Variants in TNS2 observed in about 807,000 individuals in gnomAD.
The protein encoded by TNS2 is tensin-2.
Under a neutral mutation model 155.7 loss-of-function variants are expected in TNS2, and 77 were observed. That is an observed-to-expected ratio of 0.49 (90% CI 0.41 to 0.60). The LOEUF (loss-of-function observed/expected upper bound fraction) is 0.60. TNS2 is among the 20% of genes least tolerant of loss of function. The pLI, the probability that TNS2 is intolerant of heterozygous loss-of-function variation, is 0.00. For missense variants in TNS2, 1,703 were observed against 1,868.8 expected (o/e 0.91, Z 1.64); for synonymous variants, 726 against 763.9 (o/e 0.95, Z 0.82).
upstream of TNS2, among the ~76,000 whole-genome samples, chr12:53,047,964 G>A (rs116884371): frequency 1.1e-3 from 166 of 152,330 alleles, 3 homozygotes; most frequent in East Asian, 0.029. Flanking sequence ...TTCCAGAAAG[G>A]GGGGTGTGGG....
At position 53,060,842 on chromosome 12, in the gene TNS2, C is replaced by T. The variant is rs749516232; in HGVS notation, c.2936C>T (p.Pro979Leu). Residue 979 changes from proline to leucine, a missense_variant, in exon 20 of 29, where the codon CCT (proline) becomes CTT (leucine). Coordinates refer to ENST00000314250, the MANE Select transcript of TNS2 (RefSeq NM_170754.4). The surrounding 1 kb of genome is among the most constrained non-coding windows in gnomAD (Gnocchi z 6.1). ...LAPSPVSPTF[P>L]PSSPSDWPQE... is the part of the protein sequence containing the mutation. Reference sequence around the variant, plus strand: ...CCTAGCCCAGTCTCTCCGACCTTCCCTCCCAGCTCGCCCAGTGACTGGCCT... The same window carrying T: ...CCTAGCCCAGTCTCTCCGACCTTCCTTCCCAGCTCGCCCAGTGACTGGCCT... 6.2e-7 allele frequency: 1 copy of T among 1,601,276 alleles called. No homozygotes were observed. The highest frequency in any genetic ancestry group is 2.2e-5 in the East Asian group (1 of 44,540).
chr12:53,061,658 C>T, intron 21 of TNS2, 157 bp from the exon 22 acceptor site: 3 of 1,400,220 alleles, frequency 2.1e-6, no homozygotes, highest in Non-Finnish European at 2.9e-6. Context: ...GGTCAAAACC[C>T]CTGTGAACTC....
rs144070126 is a variant in TNS2 at position 53,053,668 on chromosome 12, C to A, written c.262-106C>A. 3.8e-4 allele frequency: 583 copies of A among 1,526,038 alleles called. 3 individuals carry two copies. The East Asian group carries it at 0.013, about 33-fold the overall frequency. The allele number at this position is 1,526,038 out of a possible 1,614,324, so 94.5% of individuals were successfully genotyped here. A position where few individuals can be genotyped will look rare whatever the true frequency, so the allele number is the denominator to read the frequency against. On this transcript the variant is annotated intron_variant, in intron 4 of 28. Transcript: ENST00000314250. ...ACTCCTCTCCCCTTATCCAGTACAG[C>A]CTTCAAAAGGACACTGACATTCCCT...
chr12:53,062,989 T>G, intron 25 of TNS2, 100 bp from the exon 26 acceptor site: 1 of 1,425,898 alleles, frequency 7.0e-7, no homozygotes, highest in Non-Finnish European at 9.4e-7. Flanking sequence ...CCTATGTGAT[T>G]GTAAAGCATG....
intron 7 of TNS2, among the ~76,000 whole-genome samples, 155 bp downstream of exon 7, chr12:53,054,596 G>T (rs530621851): frequency 6.6e-6 from 1 of 152,226 alleles, no homozygotes; most frequent in African/African-American, 2.4e-5. Flanking sequence ...GGCCTGGAGC[G>T]GAGCGGAGAA....
chr12:53,058,467 T>A, intron 15 of TNS2, 22 bp downstream of exon 15: 1 of 1,613,938 alleles, frequency 6.2e-7, no homozygotes, highest in Non-Finnish European at 8.5e-7. Flanking sequence ...ACAAGTGGCC[T>A]GGGGCTGGAG....
Position 53,062,453 on chromosome 12 carries a change from G to T in TNS2, c.3745G>T (p.Asp1249Tyr). The change falls in exon 24 of 29, where the codon GAT becomes TAT. Residue 1249 changes from aspartate (D) to tyrosine (Y), a missense_variant and splice_region_variant. Transcript: ENST00000314250. ...LPCCLRIPSKDPLEETPEAPV... is the reference protein window; with the variant it reads ...LPCCLRIPSKYPLEETPEAPV... The stretch of plus-strand genomic sequence containing the variant: ...CTGCTGCCTGCGCATTCCCAGCAAA[G>T]GTGAGTGTCTGGTCATCTGTCCTCC... The T allele has an allele frequency of 6.2e-7, 1 of 1,613,740 alleles. No individual in the cohort carries two copies. Among genetic ancestry groups the T allele is most frequent in the African/African-American group, 1.3e-5 (1 of 75,006 alleles).
At position 53,060,546 on chromosome 12, in the gene TNS2, G is replaced by A. The variant is rs1171934850; in HGVS notation, c.2759G>A (p.Gly920Asp). ...CTGCACACCAGCAGTCCAGTCCAGG[G>A]CAAGGAAAGGTATGCAGAGGGGCCG... ...TPLHTSSPVQ[G>D]KESTRRQDTR... Residue 920 changes from glycine to aspartate, a missense_variant, in exon 19 of 29, where the codon GGC becomes GAC. Gly to Asp is a moderately conservative substitution (Grantham distance 94). Coordinates refer to ENST00000314250, the MANE Select transcript of TNS2 (RefSeq NM_170754.4). The surrounding 1 kb of genome is among the most constrained non-coding windows in gnomAD (Gnocchi z 6.1). 5 of 1,613,392 alleles carry A rather than the reference G, an allele frequency of 3.1e-6. No homozygotes were observed. The highest frequency in any genetic ancestry group is 4.2e-6 in the Non-Finnish European group (5 of 1,179,928).
In TNS2 at chr12:53,060,878, G is replaced by A; in HGVS notation, c.2972G>A (p.Ser991Asn). 6.3e-7 allele frequency: 1 copy of A among 1,592,236 alleles called. No individual in the cohort carries two copies. The highest frequency in any genetic ancestry group is 8.6e-7 in the Non-Finnish European group (1 of 1,167,032). The change falls in exon 20 of 29, where the codon AGT becomes AAT. Residue 991 changes from serine to asparagine, a missense_variant. By Grantham distance (46) the Ser-to-Asn change is conservative (BLOSUM62 1). Coordinates refer to ENST00000314250, the MANE Select transcript of TNS2 (RefSeq NM_170754.4). This position sits in a 1 kb window ranked among gnomAD's most constrained non-coding sequence, Gnocchi z 6.1. ...SSPSDWPQER[S>N]PGGHSDGASP... The stretch of plus-strand genomic sequence containing the variant: ...CCCAGTGACTGGCCTCAGGAAAGGA[G>A]TCCAGGGGGCCACTCAGATGGCGCC...
At chr12:53,053,733 T>G in intron 4 of TNS2, 41 bp from the exon 5 acceptor site, 1 of 1,605,968 alleles carries the variant, frequency 6.2e-7, no homozygotes, top group East Asian at 2.2e-5. Context: ...TTGCCCCTGC[T>G]GTAACTAACC....
Position 53,063,037 on chromosome 12 carries a change from G to A in TNS2, c.3824-52G>A. 1.3e-6 allele frequency: 2 copies of A among 1,504,322 alleles called. No individual in the cohort carries two copies. Among genetic ancestry groups the A allele is most frequent in the Non-Finnish European group, 1.8e-6 (2 of 1,130,624 alleles). The allele number at this position is 1,504,322 out of a possible 1,614,324, so 93.2% of individuals were successfully genotyped here. A position where few individuals can be genotyped will look rare whatever the true frequency, so the allele number is the denominator to read the frequency against. Reference sequence around the variant, plus strand: ...CTGGGGAATGTGCAAGAGCTGGTGGGGGTGGCTAGGGGATGGGCACTCCCT... The same window carrying A: ...CTGGGGAATGTGCAAGAGCTGGTGGAGGTGGCTAGGGGATGGGCACTCCCT... On this transcript the variant is annotated intron_variant, in intron 25 of 28. Transcript: ENST00000314250. The surrounding 1 kb of genome is among the most constrained non-coding windows in gnomAD (Gnocchi z 5.6).
chr12:53,049,239 A>G, upstream of TNS2: 1 of 1,606,574 alleles, frequency 6.2e-7, no homozygotes, highest in Non-Finnish European at 8.5e-7. Context: ...GACCCAGGAG[A>G]GCCATGAAGG....
intron 3 of TNS2, 52 bp from the exon 4 acceptor site, chr12:53,053,359 C>T (rs1944011631): frequency 6.2e-7 from 1 of 1,610,802 alleles, no homozygotes; most frequent in Admixed American, 1.7e-5. Context: ...CATCCTCAAG[C>T]CCACGAGAGC....
chr12:53,057,608 G>C lies in TNS2; in HGVS notation c.887G>C (p.Arg296Thr). The C allele has an allele frequency of 6.2e-7, 1 of 1,613,946 alleles. No homozygotes were observed. Among genetic ancestry groups the C allele is most frequent in the Non-Finnish European group, 8.5e-7 (1 of 1,179,878 alleles). ...AGTGGGCTGCTATCTGGCTCCATCA[G>C]AATGAACAGCAGCCCTCTCTTCCTG... is the stretch of plus-strand genomic sequence containing the variant. ...YFSGLLSGSI[R>T]MNSSPLFLHY... Residue 296 changes from arginine (R) to threonine (T), a missense_variant, in exon 12 of 29, where the codon AGA becomes ACA. Arg to Thr is a moderately conservative substitution (Grantham distance 71). Coordinates refer to ENST00000314250, the MANE Select transcript of TNS2 (RefSeq NM_170754.4).
intron 10 of TNS2, 100 bp downstream of exon 10, chr12:53,055,945 A>G: frequency 7.9e-7 from 1 of 1,269,590 alleles, no homozygotes; most frequent in South Asian, 1.4e-5. Context: ...CTTCGTTGAG[A>G]GTCCTTTGCT....
At position 53,059,630 on chromosome 12, in the gene TNS2, TG is replaced by T. The variant is rs1391541791; in HGVS notation, c.1993del (p.Asp665ThrfsTer91). Reference protein sequence around the residue: ...YPPEMGKPATGDFGYRAPGYR... With the variant: ...YPPEMGKPATXDFGYRAPGYR... ...CACCTGAGATGGGGAAACCAGCCACTGGGGACTTTGGCTACCGCGCCCCAGG... is the reference window on the plus strand; with the variant it reads ...CACCTGAGATGGGGAAACCAGCCACTGGGACTTTGGCTACCGCGCCCCAGG... On this transcript the variant is annotated frameshift_variant, in exon 18 of 29. Coordinates refer to ENST00000314250, the MANE Select transcript of TNS2 (RefSeq NM_170754.4). LOFTEE classifies it high-confidence loss of function. The surrounding 1 kb of genome is among the most constrained non-coding windows in gnomAD (Gnocchi z 4.7). 1 of 1,613,038 alleles carries T rather than the reference TG, an allele frequency of 6.2e-7. No homozygotes were observed. The highest frequency in any genetic ancestry group is 2.2e-5 in the East Asian group (1 of 44,886).
At chr12:53,055,960 G>C (rs1271284609) in intron 10 of TNS2, 115 bp downstream of exon 10, 3 of 1,061,014 alleles carry the variant, frequency 2.8e-6, no homozygotes, top group Non-Finnish European at 4.2e-6. Context: ...TTTGCTGTCA[G>C]CTTAGCACTT....
chr12:53,054,587 G>C, intron 7 of TNS2, 146 bp downstream of exon 7: 1 of 1,142,400 alleles, frequency 8.8e-7, no homozygotes, highest in Non-Finnish European at 1.2e-6. Context: ...CCGGAGCGCG[G>C]CCTGGAGCGG....
At position 53,059,716 on chromosome 12, in the gene TNS2, C is replaced by T. The variant is rs769017824; in HGVS notation, c.2075C>T (p.Ala692Val). 1.6e-5 allele frequency: 26 copies of T among 1,612,962 alleles called. No homozygotes were observed. The highest frequency in any genetic ancestry group is 1.5e-4 in the South Asian group (14 of 91,084). ...CTGCCTGCCCTATACCCATGCCCAG[C>T]CTGCGAGGAGAAGCTGGCGCTGCCT... ...PGLPALYPCP[A>V]CEEKLALPTA... Residue 692 changes from alanine (A) to valine (V), a missense_variant, in exon 18 of 29, where the codon GCC becomes GTC. Physicochemically the swap from Ala to Val is moderately conservative, Grantham distance 64. Transcript: ENST00000314250. This position sits in a 1 kb window ranked among gnomAD's most constrained non-coding sequence, Gnocchi z 4.7.
Sources: gnomAD v4.1 joint callset for allele counts (sites outside exome capture counted in the v4.1 genomes callset) on GRCh38, gnomAD v4.1.1 for gene constraint, Gnocchi (gnomAD v3.1) non-coding constraint, MANE v1.5 for transcripts, NCBI Gene and HGNC (gene_info 2026-07-23, HGNC 2026-07-21) for gene names.